Variants in ADAM17 observed in about 807,000 individuals in gnomAD.
The protein encoded by ADAM17 is disintegrin and metalloproteinase domain-containing protein 17.
ADAM17 carries 39 observed loss-of-function variants against 96.7 expected under a neutral mutation model. The observed-to-expected ratio is 0.40, with a 90% confidence interval of 0.31 to 0.53. The LOEUF (loss-of-function observed/expected upper bound fraction) is 0.53. Among genes scored for constraint, ADAM17 ranks in the 20% least tolerant of loss-of-function variants. The pLI is 0.44. For missense variants in ADAM17, 777 were observed against 1,013.2 expected (o/e 0.77, Z 3.17); for synonymous variants, 344 against 359.2 (o/e 0.96, Z 0.48).
At chr2:9,524,108 A>C (rs1048311955) in intron 6 of ADAM17, among the ~76,000 whole-genome samples, 1 of 151,866 alleles carries the variant, frequency 6.6e-6, no homozygotes, top group Non-Finnish European at 1.5e-5. Flanking sequence ...GTAAGAACAC[A>C]GTAATAATAC....
At chr2:9,528,451 T>A (rs1023103084) in intron 4 of ADAM17, among the ~76,000 whole-genome samples, 1 of 152,212 alleles carries the variant, frequency 6.6e-6, no homozygotes, top group Non-Finnish European at 1.5e-5. Flanking sequence ...CATATTTATA[T>A]GAAAGAAAAC....
chr2:9,491,248 TTAGAACCTGAGTTG>T, intron 17 of ADAM17, 97 bp from the exon 18 acceptor site: 1 of 1,134,742 alleles, frequency 8.8e-7, no homozygotes, highest in Non-Finnish European at 1.3e-6. Context: ...ACTGAAGAAC[TTAGAACCTGAGTTG>T]TAGAAAGTGA....
intron 2 of ADAM17, 114 bp from the exon 3 acceptor site, chr2:9,536,942 C>T: frequency 1.7e-6 from 2 of 1,201,982 alleles, no homozygotes; most frequent in Non-Finnish European, 2.3e-6. Flanking sequence ...AAACACTATG[C>T]AAGTTACAAC....
At chr2:9,541,774 C>T (rs372265679) in intron 2 of ADAM17, among the ~76,000 whole-genome samples, 65 of 152,080 alleles carry the variant, frequency 4.3e-4, no homozygotes, top group African/African-American at 1.5e-3. Context: ...ATGCAGTGGC[C>T]CCTGTCTGTA....
chr2:9,496,799 G>A (rs920539720), intron 14 of ADAM17, among the ~76,000 whole-genome samples: 6 of 152,162 alleles, frequency 3.9e-5, no homozygotes, highest in Non-Finnish European at 8.8e-5. Context: ...ATGGAGCAGA[G>A]GAAGGCTAGG....
chr2:9,508,636 T>TA (rs1663552922), intron 11 of ADAM17, among the ~76,000 whole-genome samples: 1 of 152,198 alleles, frequency 6.6e-6, no homozygotes. Context: ...TTAAATAAAA[T>TA]AGAATTTACA....
intron 16 of ADAM17, among the ~76,000 whole-genome samples, 159 bp downstream of exon 16, chr2:9,493,588 C>T (rs573052828): frequency 6.6e-6 from 1 of 152,334 alleles, no homozygotes; most frequent in East Asian, 1.9e-4. Flanking sequence ...TCTATGAGTT[C>T]ATTTTATTCT....
At chr2:9,494,596 CT>C in intron 15 of ADAM17, 40 bp downstream of exon 15, 1 of 1,604,162 alleles carries the variant, frequency 6.2e-7, no homozygotes, top group Non-Finnish European at 8.5e-7. Context: ...TAAAAACTTC[CT>C]ATCTGGCTGT....
intron 12 of ADAM17, among the ~76,000 whole-genome samples, chr2:9,502,514 C>G (rs570811138): frequency 6.6e-6 from 1 of 152,262 alleles, no homozygotes; most frequent in East Asian, 1.9e-4. Context: ...AATGGGAACA[C>G]AGCAATCACC....
intron 14 of ADAM17, 123 bp from the exon 15 acceptor site, chr2:9,494,890 A>G: frequency 8.1e-7 from 1 of 1,240,472 alleles, no homozygotes; most frequent in East Asian, 2.5e-5. Flanking sequence ...TTTTATTTAA[A>G]TAGCTAATAC....
Position 9,514,684 on chromosome 2 carries a change from T to A in ADAM17, c.1191+3217A>T, listed in dbSNP as rs1023464483. 9.3e-5 allele frequency among the ~76,000 whole-genome samples: 14 copies of A among 150,728 alleles called. 1 individual carries two copies. The Middle Eastern group carries it at 0.014, about 146-fold the overall frequency. On this transcript the variant is annotated intron_variant, in intron 10 of 18. Transcript: ENST00000310823. ...GTCAGGAGATTGAGACCATCCTGGC[T>A]AACACAGTGAAACCCCGTCTCTACT...
intron 12 of ADAM17, 107 bp from the exon 13 acceptor site, chr2:9,502,383 T>A: frequency 2.1e-6 from 2 of 945,768 alleles, no homozygotes; most frequent in Non-Finnish European, 3.3e-6. Flanking sequence ...GGGGAAGACC[T>A]CCTGGCTCCG....
rs1442391766 is a variant in ADAM17 at position 9,555,546 on chromosome 2, A to C, written c.60T>G (p.Pro20=). ...SVVPFVLAPR[P]PDDPGFGPHQ... ...GGGGGCCGAAGCCCGGGTCATCCGG[A>C]GGTCGCGGCGCCAGCACGAAAGGAA... is the stretch of plus-strand genomic sequence containing the variant. Residue 20 remains proline, a synonymous_variant, in exon 1 of 19, where the codon CCT becomes CCG. Coordinates refer to ENST00000310823, the MANE Select transcript of ADAM17 (RefSeq NM_003183.6). 9 of 1,603,842 alleles carry C rather than the reference A, an allele frequency of 5.6e-6. No individual in the cohort carries two copies. The East Asian group carries it at 9.0e-5, about 16-fold the overall frequency.
In ADAM17 at chr2:9,489,980, A is replaced by ATTCACC. The variant is rs1192622477; in HGVS notation, c.*191_*196dup. On this transcript the variant is annotated 3_prime_UTR_variant, in exon 19 of 19. Coordinates refer to ENST00000310823, the MANE Select transcript of ADAM17 (RefSeq NM_003183.6). ...ACCTGAAAGCCTCAAAATAAGCTAG[A>ATTCACC]TTCACCTTCACCTTACCTTTTCAAA... 5.8e-6 allele frequency: 3 copies of ATTCACC among 518,206 alleles called. No homozygotes were observed. The highest frequency in any genetic ancestry group is 6.7e-6 in the Non-Finnish European group (2 of 297,942). 32.1% of individuals were successfully genotyped at this position (518,206 alleles called of 1,614,324 possible).
chr2:9,546,093 GT>G (rs1665394263), intron 1 of ADAM17, among the ~76,000 whole-genome samples: 1 of 133,498 alleles, frequency 7.5e-6, no homozygotes, highest in South Asian at 2.3e-4. Context: ...ATGAGACCCA[GT>G]CTCAAAAAAA....
chr2:9,545,439 A>T (rs1043097876), intron 1 of ADAM17, among the ~76,000 whole-genome samples: 1 of 152,134 alleles, frequency 6.6e-6, no homozygotes, highest in Non-Finnish European at 1.5e-5. Flanking sequence ...GCATGGCAGC[A>T]GACGCCTATA....
intron 10 of ADAM17, among the ~76,000 whole-genome samples, chr2:9,511,647 A>T (rs1018592187): frequency 4.9e-4 from 75 of 152,116 alleles, no homozygotes; most frequent in African/African-American, 1.8e-3. Flanking sequence ...TAAAGCTAAA[A>T]TTTTTTTTCC....
At chr2:9,491,861 G>A (rs549240817) in intron 17 of ADAM17, among the ~76,000 whole-genome samples, 3 of 152,308 alleles carry the variant, frequency 2.0e-5, no homozygotes, top group South Asian at 2.1e-4. Context: ...ATCAAGGGTC[G>A]TGCCTTGTCC....
chr2:9,508,991 C>CA (rs34370506), intron 11 of ADAM17, among the ~76,000 whole-genome samples: 78,011 of 150,260 alleles, frequency 0.52, 21,007 homozygotes, highest in Middle Eastern at 0.68. Flanking sequence ...CATAAAAAGC[C>CA]AAAAAAAAAT....
Sources: allele counts gnomAD v4.1 joint callset (sites outside exome capture counted in the v4.1 genomes callset), GRCh38; gene constraint gnomAD v4.1.1; transcripts MANE v1.5; gene names NCBI Gene and HGNC (gene_info 2026-07-23, HGNC 2026-07-21).